Variants in CNTN5 observed in about 807,000 individuals in gnomAD.
The protein encoded by CNTN5 is contactin 5, also known as contactin-5.
Under a neutral mutation model 129.1 loss-of-function variants are expected in CNTN5, and 77 were observed. The ratio of observed to expected loss-of-function variants is 0.60; its 90% CI spans 0.50 to 0.72. The LOEUF is 0.72. Ranked by LOEUF, CNTN5 falls within the 30% of genes least tolerant of loss-of-function variation. The probability of loss-of-function intolerance (pLI) is 0.00; values close to 1 mark genes in which losing one functional copy is unlikely to be tolerated. For missense variants in CNTN5, 1,478 were observed against 1,328.8 expected (o/e 1.11, Z -1.75); for synonymous variants, 509 against 465.6 (o/e 1.09, Z -1.20).
intron 2 of CNTN5, among the ~76,000 whole-genome samples, chr11:99,526,747 A>G (rs1947502460): frequency 6.6e-6 from 1 of 152,224 alleles, no homozygotes; most frequent in African/African-American, 2.4e-5. Context: ...ATGCTTCTTT[A>G]CAACAGATAC....
At chr11:99,629,710 C>T (rs1395713990) in intron 3 of CNTN5, among the ~76,000 whole-genome samples, 2 of 151,686 alleles carry the variant, frequency 1.3e-5, no homozygotes, top group Non-Finnish European at 2.9e-5. Flanking sequence ...ATTCTGATGA[C>T]ACAATTATAC....
intron 21 of CNTN5, among the ~76,000 whole-genome samples, chr11:100,322,075 C>A (rs191903760): frequency 6.6e-6 from 1 of 152,158 alleles, no homozygotes; most frequent in African/African-American, 2.4e-5. Context: ...ACAGTATTCC[C>A]TTCTCTTTCA....
At chr11:99,543,825 G>T (rs1286401573) in intron 2 of CNTN5, among the ~76,000 whole-genome samples, 5 of 150,020 alleles carry the variant, frequency 3.3e-5, no homozygotes, top group African/African-American at 1.2e-4. Flanking sequence ...GGCTGCTGTG[G>T]CAGGAGAATT....
At chr11:99,158,113 G>A (rs1860423490) in intron 1 of CNTN5, among the ~76,000 whole-genome samples, 1 of 152,110 alleles carries the variant, frequency 6.6e-6, no homozygotes, top group Admixed American at 6.6e-5. Context: ...ATTAATTTGT[G>A]GGCATGAATT....
intron 1 of CNTN5, among the ~76,000 whole-genome samples, chr11:99,194,578 C>T (rs1304478781): frequency 6.6e-6 from 1 of 152,050 alleles, no homozygotes; most frequent in Middle Eastern, 3.2e-3. Flanking sequence ...TAGAAGTCTT[C>T]AACAATTTTT....
chr11:100,011,899 C>A (rs1405357585), intron 9 of CNTN5, among the ~76,000 whole-genome samples: 3 of 152,112 alleles, frequency 2.0e-5, no homozygotes, highest in African/African-American at 7.2e-5. Context: ...TCCTCTGAGA[C>A]TTCCTACAGT....
At chr11:99,952,184 C>A (rs969015317) in intron 7 of CNTN5, among the ~76,000 whole-genome samples, 1 of 152,168 alleles carries the variant, frequency 6.6e-6, no homozygotes, top group African/African-American at 2.4e-5. Flanking sequence ...TCTACAATTT[C>A]TATCATAATG....
At chr11:99,262,649 C>T (rs185126561) in intron 1 of CNTN5, among the ~76,000 whole-genome samples, 77 of 150,974 alleles carry the variant, frequency 5.1e-4, no homozygotes, top group Non-Finnish European at 1.1e-3. Context: ...TTTACATACA[C>T]ATATGGATGA....
At chr11:99,810,866 T>A (rs1384284915) in intron 3 of CNTN5, among the ~76,000 whole-genome samples, 1 of 152,100 alleles carries the variant, frequency 6.6e-6, no homozygotes, top group Non-Finnish European at 1.5e-5. Flanking sequence ...GGCTTGGATA[T>A]TGTATGTCTT....
intron 9 of CNTN5, among the ~76,000 whole-genome samples, chr11:100,037,855 C>G (rs894090413): frequency 1.3e-5 from 2 of 152,072 alleles, no homozygotes; most frequent in Non-Finnish European, 2.9e-5. Flanking sequence ...TGATTCTTCT[C>G]TCTTTTTTTC....
intron 2 of CNTN5, among the ~76,000 whole-genome samples, chr11:99,539,827 A>G (rs1948036569): frequency 6.6e-6 from 1 of 152,152 alleles, no homozygotes; most frequent in African/African-American, 2.4e-5. Flanking sequence ...TCCTTGTACC[A>G]TATATGTAAA....
chr11:99,827,218 G>A (rs1317002350), intron 4 of CNTN5, among the ~76,000 whole-genome samples: 1 of 152,114 alleles, frequency 6.6e-6, no homozygotes, highest in Non-Finnish European at 1.5e-5. Flanking sequence ...CTCTCTGGTA[G>A]CTGGAACTAC....
At chr11:99,938,267 G>C (rs1254938059) in intron 7 of CNTN5, among the ~76,000 whole-genome samples, 2 of 151,928 alleles carry the variant, frequency 1.3e-5, no homozygotes, top group Non-Finnish European at 2.9e-5. Flanking sequence ...CCCATGTCTT[G>C]TACAGGAAAC....
Position 99,774,882 on chromosome 11 carries a change from C to G in CNTN5, c.56-44662C>G, listed in dbSNP as rs145770100. Among the ~76,000 whole-genome samples the G allele has an allele frequency of 1.4e-4, 22 of 152,066 alleles. No individual in the cohort carries two copies. The East Asian group carries it at 3.9e-3, about 27-fold the overall frequency. Reference sequence around the variant, plus strand: ...AAAATATTAAAAAAAAATTTTCTTTCAAAAAACCAGTAACCCAAGTATCTA... The same window carrying G: ...AAAATATTAAAAAAAAATTTTCTTTGAAAAAACCAGTAACCCAAGTATCTA... On this transcript the variant is annotated intron_variant, in intron 3 of 24. Transcript: ENST00000524871.
At chr11:99,187,884 TAAGA>T (rs146043803) in intron 1 of CNTN5, among the ~76,000 whole-genome samples, 19,594 of 151,752 alleles carry the variant, frequency 0.13, 1,388 homozygotes, top group Middle Eastern at 0.23. Context: ...ATTATACATT[TAAGA>T]AAGTCTTAAT....
At chr11:99,550,077 C>G (rs943546574) in intron 2 of CNTN5, among the ~76,000 whole-genome samples, 3 of 152,132 alleles carry the variant, frequency 2.0e-5, no homozygotes, top group Non-Finnish European at 4.4e-5. Flanking sequence ...CTGATCTTCA[C>G]TATGCCTCAC....
rs78539834 is a variant in CNTN5, at chr11:100,334,798, G to A, written c.2731-5665G>A. On this transcript the variant is annotated intron_variant, in intron 21 of 24. Coordinates refer to ENST00000524871, the MANE Select transcript of CNTN5 (RefSeq NM_014361.4). Reference sequence around the variant, plus strand: ...CAGGAGGAATGGTAATGGGTGGCAAGGGATAAAAGTTCTCGCATTGGGTGC... The same window carrying A: ...CAGGAGGAATGGTAATGGGTGGCAAAGGATAAAAGTTCTCGCATTGGGTGC... Among the ~76,000 whole-genome samples the A allele has an allele frequency of 0.021, 3,150 of 152,162 alleles. 171 individuals are homozygous for A. The East Asian group carries it at 0.23, about 11-fold the overall frequency.
chr11:99,369,169 TATATATATATA>T (rs1240673276), intron 2 of CNTN5, among the ~76,000 whole-genome samples: 1 of 121,874 alleles, frequency 8.2e-6, no homozygotes, highest in African/African-American at 2.9e-5. Context: ...GGAGAAGAAT[TATATATATATA>T]ATATATATAA....
intron 16 of CNTN5, among the ~76,000 whole-genome samples, chr11:100,241,549 CCTTTTGGCTCACAACTCA>C (rs141256892): frequency 0.071 from 10,757 of 152,220 alleles, 415 homozygotes; most frequent in Middle Eastern, 0.2. Flanking sequence ...TGACACAAGT[CCTTTTGGCTCACAACTCA>C]CTAGTCTGAA....
Sources: allele counts gnomAD v4.1 joint callset (sites outside exome capture counted in the v4.1 genomes callset), GRCh38; gene constraint gnomAD v4.1.1; transcripts MANE v1.5; gene names NCBI Gene and HGNC (gene_info 2026-07-23, HGNC 2026-07-21).